NELL2: variants seen among roughly 807,000 people sequenced by gnomAD.
The protein encoded by NELL2 is neural EGFL like 2.
In NELL2, 41 loss-of-function variants were observed where a neutral mutation model predicts 109.6. The observed-to-expected ratio is 0.37, with a 90% CI of 0.29 to 0.49. The LOEUF is 0.49. Among genes scored for constraint, NELL2 ranks in the 20% least tolerant of loss-of-function variants. The pLI is 0.98. For synonymous variants in NELL2, 355 were observed against 344.7 expected (o/e 1.03, Z -0.33); for missense variants, 900 against 1,008.3 (o/e 0.89, Z 1.45).
chr12:44,854,789 T>C (rs1270270558), intron 2 of NELL2, among the ~76,000 whole-genome samples: 2 of 151,630 alleles, frequency 1.3e-5, no homozygotes, highest in Non-Finnish European at 2.9e-5. Context: ...GATAGAAGGA[T>C]AGCTATTCCA....
At chr12:44,917,141 A>G (rs1440870353), upstream of NELL2, among the ~76,000 whole-genome samples, 1 of 152,178 alleles carries the variant, frequency 6.6e-6, no homozygotes, top group Non-Finnish European at 1.5e-5. Context: ...TGCAGCCAGG[A>G]TTGAAGAACC....
intron 15 of NELL2, among the ~76,000 whole-genome samples, chr12:44,574,630 T>C (rs1944001666): frequency 1.3e-5 from 2 of 152,210 alleles, no homozygotes; most frequent in African/African-American, 2.4e-5. Flanking sequence ...CACTTAGTCT[T>C]ATTTTGTGCC....
chr12:44,755,088 T>G (rs1940824639), intron 9 of NELL2, among the ~76,000 whole-genome samples: 1 of 152,164 alleles, frequency 6.6e-6, no homozygotes, highest in Non-Finnish European at 1.5e-5. Flanking sequence ...CCAAACTCAC[T>G]CAGTTCTCTG....
At chr12:44,607,349 G>A (rs1322338222) in intron 14 of NELL2, 85 bp from the exon 15 acceptor site, 3 of 992,674 alleles carry the variant, frequency 3.0e-6, no homozygotes, top group Non-Finnish European at 4.4e-6. Flanking sequence ...TTATCCCCTT[G>A]GAGATGTAAA....
rs984530745 is a variant in NELL2 at position 44,846,859 on chromosome 12, T to G, written c.184+28366A>C. 6.6e-5 allele frequency among the ~76,000 whole-genome samples: 10 copies of G among 152,220 alleles called. No homozygotes were observed. In the South Asian group the frequency reaches 1.0e-3, roughly 16 times the overall value. On this transcript the variant is annotated intron_variant, in intron 2 of 19. Transcript: ENST00000429094. ...ACATACAAATGTTATTTGGTTTATT[T>G]TAAGTTATACAACCTTCCAAAATTA...
intron 3 of NELL2, among the ~76,000 whole-genome samples, chr12:44,784,727 T>C (rs1038984065): frequency 2.0e-5 from 3 of 152,106 alleles, no homozygotes; most frequent in South Asian, 2.1e-4. Flanking sequence ...TGGTTCAACA[T>C]ATGCATATCA....
At chr12:44,772,822 C>T (rs4768571) in intron 9 of NELL2, among the ~76,000 whole-genome samples, 111,575 of 151,840 alleles carry the variant, frequency 0.73, 41,099 homozygotes, top group Non-Finnish European at 0.75. Context: ...GCTCACTGAT[C>T]ACTCACTTCC....
At chr12:44,791,446 G>T (rs1459483863) in intron 3 of NELL2, among the ~76,000 whole-genome samples, 1 of 151,012 alleles carries the variant, frequency 6.6e-6, no homozygotes, top group African/African-American at 2.4e-5. Flanking sequence ...GGAGGGGGCT[G>T]AGGCATAAAA....
intron 15 of NELL2, among the ~76,000 whole-genome samples, chr12:44,584,207 C>T (rs977937652): frequency 5.9e-5 from 9 of 152,182 alleles, no homozygotes; most frequent in African/African-American, 1.9e-4. Flanking sequence ...TGGTTTTAAA[C>T]GTCCGCTTAC....
chr12:44,684,169 T>G (rs929774716), intron 12 of NELL2, among the ~76,000 whole-genome samples: 4 of 152,362 alleles, frequency 2.6e-5, no homozygotes, highest in Admixed American at 2.0e-4. Flanking sequence ...GTCGAGGAAT[T>G]TATCCATTTC....
At chr12:44,571,226 G>A (rs1309794383) in intron 15 of NELL2, among the ~76,000 whole-genome samples, 1 of 152,104 alleles carries the variant, frequency 6.6e-6, no homozygotes, top group African/African-American at 2.4e-5. Context: ...AGTAAATGGG[G>A]CAATCGTTAA....
At chr12:44,641,633 C>G (rs1317450143) in intron 13 of NELL2, among the ~76,000 whole-genome samples, 1 of 150,126 alleles carries the variant, frequency 6.7e-6, no homozygotes, top group African/African-American at 2.5e-5. Context: ...AAAACCTAGT[C>G]AGTCATAGTC....
chr12:44,899,582 C>G (rs1194004382), intron 1 of NELL2, among the ~76,000 whole-genome samples: 1 of 152,092 alleles, frequency 6.6e-6, no homozygotes, highest in Non-Finnish European at 1.5e-5. Context: ...TTGTCACCAC[C>G]AGGCCTGCCT....
At chr12:44,834,937 C>T (rs755383672) in intron 2 of NELL2, among the ~76,000 whole-genome samples, 4 of 152,138 alleles carry the variant, frequency 2.6e-5, no homozygotes, top group Non-Finnish European at 5.9e-5. Flanking sequence ...TGGTTAAAGG[C>T]TTCAGGGACT....
At chr12:44,665,741 C>T in intron 12 of NELL2, 132 bp from the exon 13 acceptor site, 1 of 1,044,254 alleles carries the variant, frequency 9.6e-7, no homozygotes, top group Non-Finnish European at 1.3e-6. Flanking sequence ...ATGATATCTC[C>T]TTTGCTAGGA....
chr12:44,886,006 CAA>C (rs1945466931), intron 1 of NELL2, among the ~76,000 whole-genome samples: 1 of 148,448 alleles, frequency 6.7e-6, no homozygotes, highest in Non-Finnish European at 1.5e-5. Context: ...TGATTTTTTA[CAA>C]AGATATCAAG....
chr12:44,649,837 G>A (rs1235484739), intron 13 of NELL2, among the ~76,000 whole-genome samples: 1 of 152,174 alleles, frequency 6.6e-6, no homozygotes, highest in Non-Finnish European at 1.5e-5. Context: ...TGTGATCACA[G>A]GAGCATTTAG....
chr12:44,756,266 AGTTAAT>A (rs1372526556), intron 9 of NELL2, among the ~76,000 whole-genome samples: 1 of 152,022 alleles, frequency 6.6e-6, no homozygotes, highest in Non-Finnish European at 1.5e-5. Flanking sequence ...TTGCACCATC[AGTTAAT>A]TCCTCTCTTA....
At chr12:44,581,634 G>GA (rs5797905) in intron 15 of NELL2, among the ~76,000 whole-genome samples, 9,346 of 146,810 alleles carry the variant, frequency 0.064, 907 homozygotes, top group African/African-American at 0.22. Context: ...TTGGTTAAAA[G>GA]AAAAAAAAAT....
Sources: gnomAD v4.1 joint callset for allele counts (sites outside exome capture counted in the v4.1 genomes callset) on GRCh38, gnomAD v4.1.1 for gene constraint, MANE v1.5 for transcripts, NCBI Gene and HGNC (gene_info 2026-07-23, HGNC 2026-07-21) for gene names.